Variants in PAEP observed in about 807,000 individuals in gnomAD.
PAEP encodes progestagen associated endometrial protein.
Under a neutral mutation model 23.0 loss-of-function variants are expected in PAEP, and 28 were observed. The ratio of observed to expected loss-of-function variants is 1.22; its 90% confidence interval spans 0.90 to 1.67. The LOEUF (loss-of-function observed/expected upper bound fraction) is 1.67, where lower values mean the gene tolerates loss of function less well. Among genes scored for constraint, PAEP ranks in the 40% most tolerant of loss-of-function variants. The pLI is 0.00. For missense variants in PAEP, 209 were observed against 226.4 expected (o/e 0.92, Z 0.49); for synonymous variants, 103 against 92.4 (o/e 1.12, Z -0.66).
rs1588176510 is a variant in PAEP at position 135,565,933 on chromosome 9, G to T, written c.*132G>T. On this transcript the variant is annotated intron_variant, in intron 6 of 6. Coordinates refer to ENST00000479141, the MANE Select transcript of PAEP (RefSeq NM_002571.4). ...GGCTGACCCTACAGGAATGAACTGGGGTCTGGTCTTGTGATTCCAGAAAGC... is the reference window on the plus strand; with the variant it reads ...GGCTGACCCTACAGGAATGAACTGGTGTCTGGTCTTGTGATTCCAGAAAGC... 1.4e-5 allele frequency: 14 copies of T among 1,005,364 alleles called. No homozygotes were observed. The East Asian group carries it at 3.3e-4, about 24-fold the overall frequency. 62.3% of individuals were successfully genotyped at this position (1,005,364 alleles called of 1,614,324 possible). A position where few individuals can be genotyped will look rare whatever the true frequency, so the allele number is the denominator to read the frequency against.
intron 6 of PAEP, chr9:135,566,194 G>A: frequency 4.9e-6 from 1 of 203,054 alleles, no homozygotes; most frequent in Non-Finnish European, 1.0e-5. Context: ...TTTTTAAGAT[G>A]GAGTCTCGCT....
At chr9:135,566,107 G>T (rs945418108) in intron 6 of PAEP, 2 of 407,414 alleles carry the variant, frequency 4.9e-6, no homozygotes, top group Non-Finnish European at 8.8e-6. Context: ...GGAGGAGGAA[G>T]GAGGATGGTT....
chr9:135,562,216 A>T, intron 1 of PAEP, 78 bp from the exon 2 acceptor site: 1 of 1,520,516 alleles, frequency 6.6e-7, no homozygotes, highest in Non-Finnish European at 8.9e-7. Context: ...CATCCCAGTT[A>T]GACTCAGCCC....
Position 135,561,822 on chromosome 9 carries a change from C to G in PAEP, c.21C>G (p.Thr7=), listed in dbSNP as rs749842243. MLCLLL[T]LGVALVCGVP... ...CAGCCATGCTGTGCCTCCTGCTCAC[C>G]CTGGGCGTGGCCCTGGTCTGTGGTG... The change falls in exon 1 of 7, where the codon ACC becomes ACG. Residue 7 remains threonine (T), a synonymous_variant. Transcript: ENST00000479141. 1 of 1,556,314 alleles carries G rather than the reference C, an allele frequency of 6.4e-7. No individual in the cohort carries two copies. Among genetic ancestry groups the G allele is most frequent in the Non-Finnish European group, 8.7e-7 (1 of 1,149,286 alleles).
In PAEP at chr9:135,562,906, A is replaced by G. The variant is rs1233752733; in HGVS notation, c.310+13A>G. 1 of 1,606,520 alleles carries G rather than the reference A, an allele frequency of 6.2e-7. No individual in the cohort carries two copies. Among genetic ancestry groups the G allele is most frequent in the Non-Finnish European group, 8.5e-7 (1 of 1,173,074 alleles). On this transcript the variant is annotated intron_variant, in intron 3 of 6. Transcript: ENST00000479141. ...TTCAAGATCAACTGTGAGTGTCCCC[A>G]GGCCCCAAGGGCTGGCTCAGTGCTG...
rs1318837581 is a variant in PAEP, at chr9:135,564,339, ATGTGCCAGTACC to A, written c.409_420del (p.Cys137_Leu140del). 1 of 1,550,454 alleles carries A rather than the reference ATGTGCCAGTACC, an allele frequency of 6.4e-7. No individual in the cohort carries two copies. The highest frequency in any genetic ancestry group is 8.7e-7 in the Non-Finnish European group (1 of 1,147,154). On this transcript the variant is annotated inframe_deletion, in exon 4 of 7. Coordinates refer to ENST00000479141, the MANE Select transcript of PAEP (RefSeq NM_002571.4). ...CACCACCACCCCCATCCAGAGCATG[ATGTGCCAGTACC>A]TGGGTGGGTCTCACAGCACATGAGC... is the stretch of plus-strand genomic sequence containing the variant.
chr9:135,565,168 C>T (rs1051794436), intron 4 of PAEP, among the ~76,000 whole-genome samples: 3 of 152,212 alleles, frequency 2.0e-5, no homozygotes, highest in Admixed American at 2.0e-4. Flanking sequence ...CAGACCCCAG[C>T]GCTGCCCAGA....
rs1476719700 is a variant in PAEP at position 135,562,399 on chromosome 9, C to G, written c.202C>G (p.Pro68Ala). The change falls in exon 2 of 7, where the codon CCC becomes GCC. Residue 68 changes from proline to alanine, a missense_variant. Transcript: ENST00000479141. ...CCACATCACCTCACTGTTGCCCACC[C>G]CCGAGGACAACCTGGAGATCGTTCT... ...RVHITSLLPT[P>A]EDNLEIVLHR... 6.2e-6 allele frequency: 10 copies of G among 1,613,976 alleles called. No individual in the cohort carries two copies. Among genetic ancestry groups the G allele is most frequent in the African/African-American group, 5.3e-5 (4 of 74,928 alleles).
chr9:135,562,747 C>A, intron 2 of PAEP, 73 bp from the exon 3 acceptor site: 1 of 1,287,144 alleles, frequency 7.8e-7, no homozygotes, highest in Non-Finnish European at 1.1e-6. Context: ...CCCGTGGTGA[C>A]CTGATTTTAG....
chr9:135,561,868 C>T lies in PAEP; in HGVS notation c.67C>T (p.Gln23Ter). Residue 23 changes from glutamine to a stop codon, truncating the protein, a stop_gained, in exon 1 of 7, where the codon CAG becomes TAG. Transcript: ENST00000479141. LOFTEE classifies it high-confidence loss of function. The part of the protein sequence containing the change: ...VCGVPAMDIP[Q>*]TKQDLELPKL... Reference sequence around the variant, plus strand: ...TGGTGTCCCGGCCATGGACATCCCCCAGACCAAGCAGGACCTGGAGCTCCC... The same window carrying T: ...TGGTGTCCCGGCCATGGACATCCCCTAGACCAAGCAGGACCTGGAGCTCCC... 1.3e-6 allele frequency: 2 copies of T among 1,567,192 alleles called. No homozygotes were observed. Among genetic ancestry groups the T allele is most frequent in the South Asian group, 1.2e-5 (1 of 85,230 alleles).
chr9:135,565,610 C>G, intron 5 of PAEP, 96 bp downstream of exon 5: 2 of 1,390,620 alleles, frequency 1.4e-6, no homozygotes, highest in Non-Finnish European at 2.0e-6. Context: ...ACTCAGGTCA[C>G]TCCTTTTTGG....
At chr9:135,564,490 TTTTA>T in intron 4 of PAEP, 136 bp downstream of exon 4, 1 of 1,462,500 alleles carries the variant, frequency 6.8e-7, no homozygotes, top group Non-Finnish European at 9.0e-7. Flanking sequence ...TCTTGGTTTT[TTTTA>T]TTTGTTTGTT....
At chr9:135,563,331 C>T (rs1279661491) in intron 3 of PAEP, among the ~76,000 whole-genome samples, 4 of 126,612 alleles carry the variant, frequency 3.2e-5, no homozygotes, top group African/African-American at 1.2e-4. Context: ...GTTAGGTGAA[C>T]AGGTGGGCAG....
Position 135,565,394 on chromosome 9 carries a change from C to T in PAEP, c.422-16C>T. The T allele has an allele frequency of 6.2e-7, 1 of 1,609,590 alleles. No individual in the cohort carries two copies. The highest frequency in any genetic ancestry group is 2.2e-5 in the East Asian group (1 of 44,864). On this transcript the variant is annotated splice_polypyrimidine_tract_variant and intron_variant, in intron 4 of 6. Coordinates refer to ENST00000479141, the MANE Select transcript of PAEP (RefSeq NM_002571.4). ...GAAGCCCCAGGGGCCCAGGACTGACCCAGCCTCTTCCACAGCCAGAGTCCT... is the reference window on the plus strand; with the variant it reads ...GAAGCCCCAGGGGCCCAGGACTGACTCAGCCTCTTCCACAGCCAGAGTCCT...
intron 2 of PAEP, 36 bp downstream of exon 2, chr9:135,562,469 G>A (rs1485896994): frequency 1.9e-6 from 3 of 1,603,590 alleles, no homozygotes; most frequent in South Asian, 2.2e-5. Context: ...CTGGGCGGGG[G>A]CTCAGTCTCC....
At chr9:135,562,535 AT>A in intron 2 of PAEP, 102 bp downstream of exon 2, 2 of 1,404,638 alleles carry the variant, frequency 1.4e-6, no homozygotes, top group Non-Finnish European at 1.9e-6. Flanking sequence ...AGCCCCAGGC[AT>A]TTTCTGACAG....
At chr9:135,564,948 A>G in intron 4 of PAEP, 1 of 880,064 alleles carries the variant, frequency 1.1e-6, no homozygotes, top group Non-Finnish European at 1.4e-6. Flanking sequence ...ACGCCCTGAA[A>G]CCTATGATGC....
intron 3 of PAEP, 51 bp downstream of exon 3, chr9:135,562,944 C>T (rs1043138610): frequency 5.6e-6 from 8 of 1,430,742 alleles, no homozygotes; most frequent in Middle Eastern, 1.8e-4. Context: ...ATGCTAGCCA[C>T]GCTCTCCCAG....
chr9:135,566,408 T>TC (rs1313526247), intron 6 of PAEP, 145 bp from the exon 7 acceptor site: 28 of 153,826 alleles, frequency 1.8e-4, no homozygotes, highest in South Asian at 6.2e-4. Context: ...GACCTCATGA[T>TC]CCCCCCGCTT....
Sources: gnomAD v4.1 joint callset for allele counts (sites outside exome capture counted in the v4.1 genomes callset) on GRCh38, gnomAD v4.1.1 for gene constraint, MANE v1.5 for transcripts, NCBI Gene and HGNC (gene_info 2026-07-23, HGNC 2026-07-21) for gene names.